The following PRKG1 variants were observed in gnomAD, a reference collection of about 807,000 sequenced individuals.
PRKG1 encodes cGMP-dependent protein kinase 1.
In PRKG1, 35 loss-of-function variants were observed where a neutral mutation model predicts 88.1. The ratio of observed to expected loss-of-function variants is 0.40; its 90% CI spans 0.30 to 0.53. PRKG1 has a LOEUF of 0.53. PRKG1 is among the 20% of genes least tolerant of loss of function. The probability of loss-of-function intolerance (pLI) is 0.59; values close to 1 mark genes in which losing one functional copy is unlikely to be tolerated. For synonymous variants in PRKG1, 303 were observed against 292.5 expected, an observed-to-expected ratio of 1.04 and a Z score of -0.37; for missense variants, 540 against 839.8, an observed-to-expected ratio of 0.64 and a Z score of 4.41.
Position 51,732,200 on chromosome 10 carries a change from C to T in PRKG1, c.593-72385C>T, listed in dbSNP as rs180709104. Among the ~76,000 whole-genome samples the T allele has an allele frequency of 2.6e-3, 392 of 152,204 alleles. 5 individuals carry two copies. The highest frequency in any genetic ancestry group is 8.8e-4 in the Non-Finnish European group (60 of 68,016). ...TCAGCCTCCCAGAGTGCTGGGTCTA[C>T]GGGCATGAGCCAACACACCTGGCCC... is the stretch of plus-strand genomic sequence containing the variant. On this transcript the variant is annotated intron_variant, in intron 3 of 17. Transcript: ENST00000373980.
At chr10:51,304,996 T>G (rs1471244222) in intron 2 of PRKG1, among the ~76,000 whole-genome samples, 1 of 152,132 alleles carries the variant, frequency 6.6e-6, no homozygotes, top group East Asian at 1.9e-4. Flanking sequence ...TTCTATGTGC[T>G]GCTAGAAAAT....
At chr10:51,555,002 G>C (rs544641619) in intron 3 of PRKG1, among the ~76,000 whole-genome samples, 1 of 152,078 alleles carries the variant, frequency 6.6e-6, no homozygotes, top group African/African-American at 2.4e-5. Flanking sequence ...TGCTCTTTAT[G>C]CAGCAAAGGT....
At chr10:51,662,283 G>C (rs1290207868) in intron 3 of PRKG1, among the ~76,000 whole-genome samples, 1 of 152,064 alleles carries the variant, frequency 6.6e-6, no homozygotes, top group Non-Finnish European at 1.5e-5. Context: ...GCATTTAATT[G>C]TGTGGATAAG....
Position 51,429,113 on chromosome 10 carries a change from C to T in PRKG1, c.479-38610C>T, listed in dbSNP as rs538431526. Among the ~76,000 whole-genome samples, 23 of 152,294 alleles carry T rather than the reference C, an allele frequency of 1.5e-4. No homozygotes were observed. The South Asian group carries it at 4.4e-3, about 29-fold the overall frequency. ...CCTGAACTTTGTTCCCTAACTGACACACAGATCCATTGGGAAAAGTAAGAG... is the reference window on the plus strand; with the variant it reads ...CCTGAACTTTGTTCCCTAACTGACATACAGATCCATTGGGAAAAGTAAGAG... On this transcript the variant is annotated intron_variant, in intron 2 of 17. Transcript: ENST00000373980.
intron 3 of PRKG1, chr10:51,699,603 T>A: frequency 6.5e-7 from 1 of 1,543,366 alleles, no homozygotes; most frequent in Non-Finnish European, 8.7e-7. Flanking sequence ...TCTGTCCTCT[T>A]GCGACCGACA....
At chr10:52,018,978 G>A (rs1353865262) in intron 5 of PRKG1, among the ~76,000 whole-genome samples, 2 of 142,656 alleles carry the variant, frequency 1.4e-5, no homozygotes, top group African/African-American at 5.2e-5. Context: ...ATGAAGAAAA[G>A]GGTTCATTTT....
intron 4 of PRKG1, among the ~76,000 whole-genome samples, chr10:51,868,810 C>T (rs988474792): frequency 6.6e-6 from 1 of 152,116 alleles, no homozygotes; most frequent in Non-Finnish European, 1.5e-5. Context: ...TTATTAAGTT[C>T]CTAGGACATG....
intron 5 of PRKG1, among the ~76,000 whole-genome samples, chr10:52,037,748 G>A (rs1436906254): frequency 6.6e-6 from 1 of 152,092 alleles, no homozygotes; most frequent in Non-Finnish European, 1.5e-5. Context: ...GGGAGGTGAT[G>A]AAAAGATTAT....
chr10:51,912,126 A>G (rs183540374), intron 5 of PRKG1, among the ~76,000 whole-genome samples: 86 of 152,364 alleles, frequency 5.6e-4, no homozygotes, highest in Non-Finnish European at 9.7e-4. Context: ...AAATGAACGT[A>G]TGGGGAGCCA....
At chr10:51,786,665 T>C (rs927433108) in intron 3 of PRKG1, among the ~76,000 whole-genome samples, 1 of 152,164 alleles carries the variant, frequency 6.6e-6, no homozygotes, top group African/African-American at 2.4e-5. Flanking sequence ...TTGCAAACTT[T>C]TAGAAGAGGA....
At position 51,981,193 on chromosome 10, in the gene PRKG1, CT is replaced by C. The variant is rs57425265; in HGVS notation, c.763-73290del. Among the ~76,000 whole-genome samples the C allele has an allele frequency of 9.5e-3, 1,448 of 152,266 alleles. 25 individuals carry two copies. The highest frequency in any genetic ancestry group is 0.033 in the African/African-American group (1,379 of 41,538). ...TTAAGCATGTCTGGTGATAAATTCC[CT>C]CAGCATTCACTTGTCTGAAAAGGAT... On this transcript the variant is annotated intron_variant, in intron 5 of 17. Transcript: ENST00000373980.
chr10:51,744,214 G>T (rs1369458251), intron 3 of PRKG1, among the ~76,000 whole-genome samples: 2 of 152,046 alleles, frequency 1.3e-5, no homozygotes, highest in Non-Finnish European at 2.9e-5. Context: ...CTGTGAAGTG[G>T]GTACAGTACT....
intron 1 of PRKG1, among the ~76,000 whole-genome samples, chr10:51,014,438 T>C (rs1262700968): frequency 6.6e-6 from 1 of 152,126 alleles, no homozygotes; most frequent in Non-Finnish European, 1.5e-5. Flanking sequence ...GGCTTGGTAG[T>C]GAGGCCAATT....
chr10:52,192,504 G>A (rs1333435557), intron 9 of PRKG1, among the ~76,000 whole-genome samples: 1 of 152,080 alleles, frequency 6.6e-6, no homozygotes, highest in African/African-American at 2.4e-5. Context: ...AGCATATTAA[G>A]TTACAAACTA....
chr10:51,699,269 C>G, intron 3 of PRKG1: 1 of 1,614,152 alleles, frequency 6.2e-7, no homozygotes, highest in South Asian at 1.1e-5. Context: ...ATTCTTTTCA[C>G]TGGCAGCATT....
At chr10:51,819,050 C>CAG (rs1459681002) in intron 4 of PRKG1, among the ~76,000 whole-genome samples, 7 of 110,646 alleles carry the variant, frequency 6.3e-5, no homozygotes, top group Non-Finnish European at 1.4e-4. Flanking sequence ...AAAAGAATAC[C>CAG]AGAGGCTGGA....
chr10:51,358,976 A>T (rs1360533418), intron 2 of PRKG1, among the ~76,000 whole-genome samples: 1 of 150,944 alleles, frequency 6.6e-6, no homozygotes. Context: ...CCTGCATGTG[A>T]AGGTGTGACT....
intron 5 of PRKG1, among the ~76,000 whole-genome samples, chr10:51,979,417 T>TTTTG (rs1554863420): frequency 6.7e-5 from 9 of 135,118 alleles, no homozygotes; most frequent in Non-Finnish European, 1.6e-5. Flanking sequence ...TCTGTTTTTT[T>TTTTG]TTTTTTTTTT....
chr10:51,814,410 A>T (rs1204416429), intron 4 of PRKG1, among the ~76,000 whole-genome samples: 1 of 150,614 alleles, frequency 6.6e-6, no homozygotes, highest in Non-Finnish European at 1.5e-5. Context: ...GTGCATATTA[A>T]AACAATTTGG....
Sources: allele counts gnomAD v4.1 joint callset (sites outside exome capture counted in the v4.1 genomes callset), GRCh38; gene constraint gnomAD v4.1.1; transcripts MANE v1.5; gene names NCBI Gene and HGNC (gene_info 2026-07-23, HGNC 2026-07-21).